Variants in CNTNAP2 observed in about 807,000 individuals in gnomAD.
The protein encoded by CNTNAP2 is contactin-associated protein-like 2.
A neutral mutation model predicts 155.2 loss-of-function variants in CNTNAP2; 98 were observed. The observed-to-expected ratio is 0.63, with a 90% CI of 0.54 to 0.75. CNTNAP2 has a LOEUF of 0.75. Ranked by LOEUF, CNTNAP2 falls within the 30% of genes least tolerant of loss-of-function variation. The pLI is 0.00. For synonymous variants in CNTNAP2, 651 were observed against 631.2 expected, an observed-to-expected ratio of 1.03 and a Z score of -0.47; for missense variants, 1,727 against 1,688.1, an observed-to-expected ratio of 1.02 and a Z score of -0.40.
In CNTNAP2 at chr7:147,532,886, C is replaced by A. The variant is rs181881319; in HGVS notation, c.1778-29252C>A. Among the ~76,000 whole-genome samples the A allele has an allele frequency of 4.1e-3, 621 of 152,324 alleles. 2 individuals carry two copies. The highest frequency in any genetic ancestry group is 0.014 in the African/African-American group (588 of 41,568). ...ATTACCTCCCCCTGAGTTCCTCCCA[C>A]AACATGTGGGAATTCTGGGAGATAC... On this transcript the variant is annotated intron_variant, in intron 11 of 23. Transcript: ENST00000361727.
At chr7:146,946,665 A>G (rs1797182409) in intron 3 of CNTNAP2, among the ~76,000 whole-genome samples, 1 of 152,124 alleles carries the variant, frequency 6.6e-6, no homozygotes, top group South Asian at 2.1e-4. Context: ...CTAGGCTCAA[A>G]CACATCTTTA....
intron 1 of CNTNAP2, among the ~76,000 whole-genome samples, chr7:146,123,020 A>G (rs1421632294): frequency 1.3e-5 from 2 of 152,204 alleles, no homozygotes; most frequent in African/African-American, 2.4e-5. Flanking sequence ...CTTTGGAGGT[A>G]GCTATTCATA....
At position 147,936,305 on chromosome 7, in the gene CNTNAP2, T is replaced by G. The variant is rs999916069; in HGVS notation, c.2255+32584T>G. ...CTGTACACGACATTTATTTTATTTT[T>G]TTTTTTTTGCACTCACTTATTTTGA... On this transcript the variant is annotated intron_variant, in intron 14 of 23. Coordinates refer to ENST00000361727, the MANE Select transcript of CNTNAP2 (RefSeq NM_014141.6). Among the ~76,000 whole-genome samples the G allele has an allele frequency of 4.0e-5, 6 of 151,546 alleles. No individual in the cohort carries two copies. The South Asian group carries it at 6.3e-4, about 16-fold the overall frequency.
At chr7:147,529,599 T>A (rs1009454002) in intron 11 of CNTNAP2, among the ~76,000 whole-genome samples, 2 of 152,218 alleles carry the variant, frequency 1.3e-5, no homozygotes. Flanking sequence ...CAAACTATTA[T>A]GGTGATGTTA....
At chr7:147,627,691 C>CAAA (rs138424007) in intron 12 of CNTNAP2, among the ~76,000 whole-genome samples, 57 of 71,646 alleles carry the variant, frequency 8.0e-4, no homozygotes, top group African/African-American at 2.1e-3. Context: ...GACTCTGTCT[C>CAAA]AAAAAAAAAA....
At chr7:147,432,913 C>T (rs539580085) in intron 10 of CNTNAP2, among the ~76,000 whole-genome samples, 1 of 152,326 alleles carries the variant, frequency 6.6e-6, no homozygotes, top group African/African-American at 2.4e-5. Context: ...ATTAAATATG[C>T]ATTCGCATGG....
At chr7:147,860,339 G>A (rs998943457) in intron 13 of CNTNAP2, among the ~76,000 whole-genome samples, 3 of 152,034 alleles carry the variant, frequency 2.0e-5, no homozygotes, top group East Asian at 3.9e-4. Context: ...CAGAAGAATC[G>A]TTTGGACCAA....
chr7:146,862,716 A>G (rs1461225823), intron 3 of CNTNAP2, among the ~76,000 whole-genome samples: 2 of 152,358 alleles, frequency 1.3e-5, no homozygotes, highest in Non-Finnish European at 1.5e-5. Context: ...TTCTTAAACT[A>G]AACTTGGCTA....
In CNTNAP2 at chr7:147,070,990, A is replaced by G. The variant is rs903950140; in HGVS notation, c.550+26936A>G. ...CACTCCAGGCCCAGGACCTGGGTAT[A>G]TGGTTTGGCCTCTCTTTTTCTCCCA... On this transcript the variant is annotated intron_variant, in intron 4 of 23. Coordinates refer to ENST00000361727, the MANE Select transcript of CNTNAP2 (RefSeq NM_014141.6). Among the ~76,000 whole-genome samples, 3 of 151,986 alleles carry G rather than the reference A, an allele frequency of 2.0e-5. No individual in the cohort carries two copies. In the South Asian group the frequency reaches 6.2e-4, roughly 32 times the overall value.
intron 13 of CNTNAP2, among the ~76,000 whole-genome samples, chr7:147,764,415 T>G (rs1377607636): frequency 6.6e-6 from 1 of 152,224 alleles, no homozygotes; most frequent in Non-Finnish European, 1.5e-5. Context: ...ATTTCACTCT[T>G]GAGGCATTTT....
At chr7:147,530,027 A>G (rs903646771) in intron 11 of CNTNAP2, among the ~76,000 whole-genome samples, 11 of 152,180 alleles carry the variant, frequency 7.2e-5, no homozygotes, top group Non-Finnish European at 1.5e-4. Flanking sequence ...GGGGATTGTG[A>G]TGACAGTAGT....
chr7:148,071,651 T>C (rs1402843569), intron 15 of CNTNAP2, among the ~76,000 whole-genome samples: 1 of 152,254 alleles, frequency 6.6e-6, no homozygotes, highest in Non-Finnish European at 1.5e-5. Context: ...TTCAGTATCA[T>C]TGGCAACCTT....
At chr7:146,642,440 A>C (rs1467717274) in intron 1 of CNTNAP2, among the ~76,000 whole-genome samples, 1 of 151,590 alleles carries the variant, frequency 6.6e-6, no homozygotes, top group Non-Finnish European at 1.5e-5. Flanking sequence ...TAGTTTACTG[A>C]GAATGATGAT....
chr7:147,821,397 T>C (rs1015760601), intron 13 of CNTNAP2, among the ~76,000 whole-genome samples: 9 of 152,240 alleles, frequency 5.9e-5, no homozygotes, highest in African/African-American at 1.9e-4. Flanking sequence ...TATCAAGCAA[T>C]GGTAATACAG....
intron 1 of CNTNAP2, among the ~76,000 whole-genome samples, chr7:146,386,780 T>C (rs1795467897): frequency 6.6e-6 from 1 of 152,208 alleles, no homozygotes; most frequent in South Asian, 2.1e-4. Context: ...TTAGTTCTTT[T>C]CCAAAAATTT....
intron 16 of CNTNAP2, among the ~76,000 whole-genome samples, chr7:148,118,690 A>G (rs1369164605): frequency 6.6e-6 from 1 of 152,220 alleles, no homozygotes; most frequent in Non-Finnish European, 1.5e-5. Context: ...CAAGGAAGAC[A>G]GGAATGATAA....
intron 8 of CNTNAP2, among the ~76,000 whole-genome samples, chr7:147,169,087 A>G (rs1802176818): frequency 6.6e-6 from 1 of 152,168 alleles, no homozygotes; most frequent in African/African-American, 2.4e-5. Flanking sequence ...AAATAAAAAT[A>G]TATGTGTTAC....
At chr7:146,955,460 A>G (rs546289298) in intron 3 of CNTNAP2, among the ~76,000 whole-genome samples, 3 of 152,068 alleles carry the variant, frequency 2.0e-5, no homozygotes, top group African/African-American at 7.2e-5. Flanking sequence ...TAGAAACAAA[A>G]ATCTTTTCTA....
chr7:147,559,722 C>T (rs1368778139), intron 11 of CNTNAP2, among the ~76,000 whole-genome samples: 1 of 152,144 alleles, frequency 6.6e-6, no homozygotes, highest in African/African-American at 2.4e-5. Context: ...TTGAGCTATA[C>T]ATACCAATTT....
Sources: gnomAD v4.1 joint callset for allele counts (sites outside exome capture counted in the v4.1 genomes callset) on GRCh38, gnomAD v4.1.1 for gene constraint, MANE v1.5 for transcripts, NCBI Gene and HGNC (gene_info 2026-07-23, HGNC 2026-07-21) for gene names.